The following CLSTN2 variants were observed in gnomAD, a reference collection of about 807,000 sequenced individuals.
CLSTN2 encodes calsyntenin-2.
Under a neutral mutation model 101.2 loss-of-function variants are expected in CLSTN2, and 48 were observed. That is an observed-to-expected ratio of 0.47 (90% CI 0.38 to 0.60). CLSTN2 has a LOEUF of 0.60. Ranked by LOEUF, CLSTN2 falls within the 20% of genes least tolerant of loss-of-function variation. CLSTN2 has a pLI of 0.00. For missense variants in CLSTN2, 1,160 were observed against 1,238.2 expected, an observed-to-expected ratio of 0.94 and a Z score of 0.95; for synonymous variants, 481 against 463.6, an observed-to-expected ratio of 1.04 and a Z score of -0.48.
At chr3:140,185,105 T>C (rs1004572928) in intron 2 of CLSTN2, among the ~76,000 whole-genome samples, 2 of 152,196 alleles carry the variant, frequency 1.3e-5, no homozygotes, top group African/African-American at 4.8e-5. Flanking sequence ...TGTTAACTTC[T>C]TTCATCATCA....
chr3:140,027,909 C>T (rs1296040410), intron 1 of CLSTN2, among the ~76,000 whole-genome samples: 1 of 152,206 alleles, frequency 6.6e-6, no homozygotes, highest in Non-Finnish European at 1.5e-5. Context: ...ACTGGTTTGC[C>T]ACTGACTCGC....
chr3:140,318,009 C>T (rs529291453), intron 2 of CLSTN2, among the ~76,000 whole-genome samples: 149 of 152,280 alleles, frequency 9.8e-4, no homozygotes, highest in Non-Finnish European at 1.7e-3. Context: ...CGCACATTAC[C>T]GCTGTATGGG....
At chr3:140,437,102 G>A (rs1256079696) in intron 5 of CLSTN2, among the ~76,000 whole-genome samples, 2 of 148,630 alleles carry the variant, frequency 1.3e-5, no homozygotes, top group African/African-American at 2.5e-5. Context: ...AGGCTGGAGT[G>A]CAGTGGTACA....
intron 2 of CLSTN2, among the ~76,000 whole-genome samples, chr3:140,305,673 TG>T (rs1029329998): frequency 6.6e-6 from 1 of 152,110 alleles, no homozygotes. Flanking sequence ...AAGAAGAACT[TG>T]GGGGGCCCTT....
chr3:140,417,318 A>C (rs916220725), intron 4 of CLSTN2, among the ~76,000 whole-genome samples: 1 of 152,184 alleles, frequency 6.6e-6, no homozygotes, highest in Middle Eastern at 3.2e-3. Flanking sequence ...GCTATTTTTC[A>C]GTGCAATAAA....
chr3:140,171,680 T>C (rs1456805531), intron 1 of CLSTN2, among the ~76,000 whole-genome samples: 1 of 7,320 alleles, frequency 1.4e-4, no homozygotes, highest in Non-Finnish European at 3.5e-4. Flanking sequence ...ATATGTATTA[T>C]ATATAATATA....
chr3:140,173,702 T>C (rs1014156781), intron 1 of CLSTN2, among the ~76,000 whole-genome samples: 6 of 152,238 alleles, frequency 3.9e-5, no homozygotes, highest in African/African-American at 1.4e-4. Flanking sequence ...TTGACTTCTG[T>C]GCACCTGCAG....
intron 2 of CLSTN2, among the ~76,000 whole-genome samples, chr3:140,185,910 A>G (rs984218109): frequency 1.1e-4 from 16 of 152,184 alleles, no homozygotes; most frequent in Admixed American, 9.2e-4. Context: ...CTGAATTTCC[A>G]CAAAATCATC....
At chr3:139,946,808 G>C (rs958341464) in intron 1 of CLSTN2, among the ~76,000 whole-genome samples, 1 of 152,180 alleles carries the variant, frequency 6.6e-6, no homozygotes, top group African/African-American at 2.4e-5. Context: ...CTTTTATGAG[G>C]CCATGCCTCT....
At position 140,476,166 on chromosome 3, in the gene CLSTN2, C is replaced by T. The variant is rs143444329; in HGVS notation, c.1344+9435C>T. On this transcript the variant is annotated intron_variant, in intron 8 of 16. Coordinates refer to ENST00000458420, the MANE Select transcript of CLSTN2 (RefSeq NM_022131.3). ...TGAACGATATTTTCTGTCACTTCCA[C>T]GATATGAAAGGGCAAAAAATTGGTA... Among the ~76,000 whole-genome samples, 14 of 152,188 alleles carry T rather than the reference C, an allele frequency of 9.2e-5. No homozygotes were observed. The South Asian group carries it at 1.2e-3, about 14-fold the overall frequency.
intron 1 of CLSTN2, among the ~76,000 whole-genome samples, chr3:139,940,265 TCTC>T (rs771829670): frequency 5.9e-5 from 9 of 152,170 alleles, no homozygotes; most frequent in Non-Finnish European, 1.0e-4. Context: ...TGTTTTTCCT[TCTC>T]CTCTATAAAG....
At position 140,562,290 on chromosome 3, in the gene CLSTN2, G is replaced by A; in HGVS notation, c.2194G>A (p.Ala732Thr). 2 of 1,613,456 alleles carry A rather than the reference G, an allele frequency of 1.2e-6. No individual in the cohort carries two copies. The highest frequency in any genetic ancestry group is 1.3e-5 in the African/African-American group (1 of 75,026). Reference protein sequence around the residue: ...QRHLDATNSTAGYSIYGVGSM... With the variant: ...QRHLDATNSTTGYSIYGVGSM... The stretch of plus-strand genomic sequence containing the variant: ...ACACCTGGATGCCACTAATTCTACT[G>A]CAGGCTACTCCATCTACGGTAAGGC... The change falls in exon 13 of 17, where the codon GCA (alanine) becomes ACA (threonine). Residue 732 changes from alanine (A) to threonine (T), a missense_variant. Ala to Thr is a moderately conservative substitution (Grantham distance 58). Transcript: ENST00000458420.
chr3:139,963,198 C>T (rs1039099461), intron 1 of CLSTN2, among the ~76,000 whole-genome samples: 1 of 152,084 alleles, frequency 6.6e-6, no homozygotes, highest in East Asian at 1.9e-4. Flanking sequence ...ACTTCTTCAG[C>T]CTCTGCTTCC....
intron 1 of CLSTN2, among the ~76,000 whole-genome samples, chr3:139,973,601 G>T (rs959943968): frequency 4.0e-5 from 6 of 151,854 alleles, no homozygotes; most frequent in African/African-American, 1.5e-4. Context: ...GGGAAAAAAT[G>T]GTACTCTTTC....
intron 2 of CLSTN2, among the ~76,000 whole-genome samples, chr3:140,244,487 C>T (rs747526694): frequency 3.3e-5 from 5 of 152,110 alleles, no homozygotes; most frequent in South Asian, 4.2e-4. Flanking sequence ...AGTGTGTGTA[C>T]GTACACACAC....
intron 1 of CLSTN2, among the ~76,000 whole-genome samples, chr3:140,027,022 C>A (rs2007435719): frequency 6.6e-6 from 1 of 152,314 alleles, no homozygotes; most frequent in Middle Eastern, 3.4e-3. Flanking sequence ...AGACTTGGGG[C>A]TGGTGGTGAG....
chr3:140,418,738 G>A (rs970479925), intron 4 of CLSTN2, among the ~76,000 whole-genome samples: 2 of 151,852 alleles, frequency 1.3e-5, no homozygotes, highest in East Asian at 1.9e-4. Context: ...CGCTGGTCTC[G>A]AACTCCCGAC....
At chr3:139,960,612 T>G (rs540903076) in intron 1 of CLSTN2, among the ~76,000 whole-genome samples, 14 of 152,372 alleles carry the variant, frequency 9.2e-5, no homozygotes, top group African/African-American at 3.4e-4. Context: ...TTTCCTTCTC[T>G]GCCTTCCATC....
intron 1 of CLSTN2, among the ~76,000 whole-genome samples, chr3:140,106,282 G>T (rs566102589): frequency 2.4e-4 from 36 of 152,300 alleles, no homozygotes; most frequent in Admixed American, 9.1e-4. Context: ...TTCCCTGACA[G>T]CTGATCCTAG....
Sources: allele counts gnomAD v4.1 joint callset (sites outside exome capture counted in the v4.1 genomes callset), GRCh38; gene constraint gnomAD v4.1.1; transcripts MANE v1.5; gene names NCBI Gene and HGNC (gene_info 2026-07-23, HGNC 2026-07-21).